SCN3A: variants seen among roughly 807,000 people sequenced by gnomAD.
SCN3A encodes sodium voltage-gated channel alpha subunit 3, also known as sodium channel protein type 3 subunit alpha.
In SCN3A, 60 loss-of-function variants were observed where a neutral mutation model predicts 187.6. That is an observed-to-expected ratio of 0.32 (90% CI 0.26 to 0.40). The LOEUF is 0.40. Among genes scored for constraint, SCN3A ranks in the 10% least tolerant of loss-of-function variants. The pLI, the probability that SCN3A is intolerant of heterozygous loss-of-function variation, is 1.00. For synonymous variants in SCN3A, 788 were observed against 829.2 expected, an observed-to-expected ratio of 0.95 and a Z score of 0.85; for missense variants, 1,601 against 2,428.2, an observed-to-expected ratio of 0.66 and a Z score of 7.16.
intron 21 of SCN3A, among the ~76,000 whole-genome samples, chr2:165,102,276 T>G (rs1685643268): frequency 1.3e-5 from 2 of 152,188 alleles, no homozygotes; most frequent in Admixed American, 1.3e-4. Context: ...TTTGGGAGGC[T>G]GAGGTGGGAG....
intron 22 of SCN3A, among the ~76,000 whole-genome samples, chr2:165,098,198 C>G (rs1376027493): frequency 6.6e-6 from 1 of 152,146 alleles, no homozygotes; most frequent in Admixed American, 6.5e-5. Flanking sequence ...TCAACCCAGG[C>G]TGACCTATTT....
intron 15 of SCN3A, among the ~76,000 whole-genome samples, chr2:165,135,978 C>T (rs2105793793): frequency 6.6e-6 from 1 of 152,228 alleles, no homozygotes. Context: ...CTCATTATTT[C>T]AGTTACTACC....
At chr2:165,160,950 A>G (rs1344776151) in intron 9 of SCN3A, among the ~76,000 whole-genome samples, 1 of 151,904 alleles carries the variant, frequency 6.6e-6, no homozygotes, top group Non-Finnish European at 1.5e-5. Flanking sequence ...CATTTTTCAG[A>G]GACAGCCTAT....
At chr2:165,198,270 A>G (rs75314334) in intron 1 of SCN3A, among the ~76,000 whole-genome samples, 2,181 of 152,154 alleles carry the variant, frequency 0.014, 59 homozygotes, top group African/African-American at 0.049. Context: ...AAGGTAATGC[A>G]TAGATTCAAG....
chr2:165,186,154 C>T (rs944987954), intron 2 of SCN3A, among the ~76,000 whole-genome samples: 2 of 152,048 alleles, frequency 1.3e-5, no homozygotes, highest in African/African-American at 4.8e-5. Context: ...CCTGTAGTCT[C>T]AGCTACTCAG....
chr2:165,177,535 G>C (rs1375672575), intron 2 of SCN3A, among the ~76,000 whole-genome samples: 1 of 152,004 alleles, frequency 6.6e-6, no homozygotes, highest in Admixed American at 6.6e-5. Context: ...ATGGTTTCAG[G>C]CATCCTCACA....
At chr2:165,184,672 T>C (rs534655380) in intron 2 of SCN3A, among the ~76,000 whole-genome samples, 4 of 152,248 alleles carry the variant, frequency 2.6e-5, no homozygotes, top group African/African-American at 9.6e-5. Flanking sequence ...AGTCCTTATC[T>C]TTATTTCCAC....
chr2:165,197,984 C>G (rs558237838), intron 1 of SCN3A, among the ~76,000 whole-genome samples: 1 of 151,952 alleles, frequency 6.6e-6, no homozygotes, highest in African/African-American at 2.4e-5. Context: ...ATACAGGTCT[C>G]AAGGACATGT....
At position 165,186,142 on chromosome 2, in the gene SCN3A, C is replaced by A. The variant is rs962816803; in HGVS notation, c.-51+409G>T. Among the ~76,000 whole-genome samples the A allele has an allele frequency of 3.3e-5, 5 of 151,904 alleles. No homozygotes were observed. The East Asian group carries it at 7.7e-4, about 24-fold the overall frequency. Reference sequence around the variant, plus strand: ...AAAAACTAGCCGGGCTTGTGGCAGGCGCCTGTAGTCTCAGCTACTCAGGAG... The same window carrying A: ...AAAAACTAGCCGGGCTTGTGGCAGGAGCCTGTAGTCTCAGCTACTCAGGAG... On this transcript the variant is annotated intron_variant, in intron 2 of 27. Transcript: ENST00000283254.
intron 2 of SCN3A, among the ~76,000 whole-genome samples, chr2:165,183,844 C>G (rs1361911587): frequency 6.6e-6 from 1 of 152,018 alleles, no homozygotes; most frequent in Non-Finnish European, 1.5e-5. Flanking sequence ...TGGAAAGTTG[C>G]TGTATGTCAT....
At chr2:165,136,502 T>TA (rs1257323920) in intron 15 of SCN3A, among the ~76,000 whole-genome samples, 2 of 152,186 alleles carry the variant, frequency 1.3e-5, no homozygotes, top group Non-Finnish European at 2.9e-5. Context: ...AGGGTATTAT[T>TA]ACACTCATTT....
In SCN3A at chr2:165,140,730, G is replaced by A; in HGVS notation, c.1940C>T (p.Thr647Ile). ...GGAAACCACACCATTGCAATCCACA[G>A]TGCTGTGCATCTTCCCATTTGCTGG... is the stretch of plus-strand genomic sequence containing the variant. ...GLPANGKMHSTVDCNGVVSLV... is the reference protein window; with the variant it reads ...GLPANGKMHSIVDCNGVVSLV... Residue 647 changes from threonine to isoleucine, a missense_variant, in exon 13 of 28, where the codon ACT (threonine) becomes ATT (isoleucine). Around this residue, in one of 11 missense-constraint regions of SCN3A, gnomAD observed 376 missense variants for 476.0 expected, o/e 0.79. Coordinates refer to ENST00000283254, the MANE Select transcript of SCN3A (RefSeq NM_006922.4). The surrounding 1 kb of genome is among the most constrained non-coding windows in gnomAD (Gnocchi z 4.2). The A allele has an allele frequency of 6.2e-7, 1 of 1,614,050 alleles. No individual in the cohort carries two copies. The highest frequency in any genetic ancestry group is 2.2e-5 in the East Asian group (1 of 44,866).
At chr2:165,182,843 T>G (rs1690970666) in intron 2 of SCN3A, among the ~76,000 whole-genome samples, 1 of 151,982 alleles carries the variant, frequency 6.6e-6, no homozygotes, top group Non-Finnish European at 1.5e-5. Context: ...CTGGGCATGG[T>G]GGCTCATGAC....
Position 165,138,817 on chromosome 2 carries a change from T to C in SCN3A, c.2152+659A>G, listed in dbSNP as rs979944954. On this transcript the variant is annotated intron_variant, in intron 14 of 27. Coordinates refer to ENST00000283254, the MANE Select transcript of SCN3A (RefSeq NM_006922.4). Reference sequence around the variant, plus strand: ...TTTTCTAAAGAACATATGTTAGAATTGACATATAATTGATCTAAAAAGGGC... The same window carrying C: ...TTTTCTAAAGAACATATGTTAGAATCGACATATAATTGATCTAAAAAGGGC... Among the ~76,000 whole-genome samples, 3 of 152,294 alleles carry C rather than the reference T, an allele frequency of 2.0e-5. No homozygotes were observed. The East Asian group carries it at 5.8e-4, about 29-fold the overall frequency.
chr2:165,194,816 G>A (rs1399106023), intron 1 of SCN3A: 2 of 151,668 alleles, frequency 1.3e-5, no homozygotes, highest in African/African-American at 4.8e-5. Flanking sequence ...AGGGCCCTTT[G>A]AAATAAAGAA....
At chr2:165,190,774 T>C (rs891164847) in intron 1 of SCN3A, among the ~76,000 whole-genome samples, 1 of 151,458 alleles carries the variant, frequency 6.6e-6, no homozygotes, top group Non-Finnish European at 1.5e-5. Flanking sequence ...ATAATAAAAA[T>C]AAATATTAAG....
intron 21 of SCN3A, among the ~76,000 whole-genome samples, chr2:165,111,227 C>A (rs1331553663): frequency 6.6e-6 from 1 of 151,904 alleles, no homozygotes; most frequent in Non-Finnish European, 1.5e-5. Context: ...CCCAGCTACT[C>A]GAGAGGCTGA....
chr2:165,121,030 A>C (rs1167231488), intron 18 of SCN3A, among the ~76,000 whole-genome samples: 1 of 152,106 alleles, frequency 6.6e-6, no homozygotes, highest in African/African-American at 2.4e-5. Flanking sequence ...TGTTTTCAGA[A>C]AGGATACAAA....
rs56135818 is a variant in SCN3A, at chr2:165,100,410, G to A, written c.3858C>T (p.Ser1286=). The A allele has an allele frequency of 6.2e-7, 1 of 1,613,680 alleles. No individual in the cohort carries two copies. The highest frequency in any genetic ancestry group is 8.5e-7 in the Non-Finnish European group (1 of 1,179,826). ...DFLIVDVSLV[S]LVANALGYSE... The stretch of plus-strand genomic sequence containing the variant: ...AGTAGCCAAGAGCATTGGCTACCAG[G>A]CTAACCAAAGAAACCTACAAAAGGA... Residue 1286 remains serine, a synonymous_variant, in exon 22 of 28, where the codon AGC becomes AGT. Transcript: ENST00000283254.
Sources: allele counts gnomAD v4.1 joint callset (sites outside exome capture counted in the v4.1 genomes callset), GRCh38; gene constraint gnomAD v4.1.1; regional missense constraint gnomAD v4.1.1; non-coding constraint Gnocchi (gnomAD v3.1); transcripts MANE v1.5; gene names NCBI Gene and HGNC (gene_info 2026-07-23, HGNC 2026-07-21).